The following MBNL3 variants were observed in gnomAD, a reference collection of about 807,000 sequenced individuals.
The protein encoded by MBNL3 is muscleblind like splicing regulator 3, also known as muscleblind-like protein 3.
MBNL3 carries 6 observed loss-of-function variants against 24.5 expected under a neutral mutation model. The ratio of observed to expected loss-of-function variants is 0.25; its 90% CI spans 0.13 to 0.48. The LOEUF (loss-of-function observed/expected upper bound fraction) is 0.48, where lower values mean the gene tolerates loss of function less well. Among genes scored for constraint, MBNL3 ranks in the 20% least tolerant of loss-of-function variants. The pLI, the probability that MBNL3 is intolerant of heterozygous loss-of-function variation, is 0.99. For synonymous variants in MBNL3, 100 were observed against 101.7 expected (o/e 0.98, Z 0.10); for missense variants, 230 against 293.5 (o/e 0.78, Z 1.58).
intron 2 of MBNL3, chrX:132,437,801 T>C (rs1945193981): frequency 4.2e-6 from 1 of 239,265 alleles, no homozygotes; most frequent in Non-Finnish European, 5.9e-6. Flanking sequence ...TAGATGAAAC[T>C]TAAATGAAAC....
Position 132,376,482 on chromosome X carries a change from G to A in MBNL3, c.*3184C>T, listed in dbSNP as rs759664854. ...ATTATTTTCTCTGTATACATGACCC[G>A]TTTTATCCAAGTTTCAGCACTCTTG... On this transcript the variant is annotated 3_prime_UTR_variant, in exon 9 of 9. Transcript: ENST00000370853. The A allele has an allele frequency of 8.1e-5, 9 of 111,151 alleles. No homozygotes were observed. The highest frequency in any genetic ancestry group is 2.9e-4 in the African/African-American group (9 of 30,706). 9.2% of individuals were successfully genotyped at this position (111,151 alleles called of 1,213,427 possible).
At position 132,374,310 on chromosome X, in the gene MBNL3, A is replaced by G. The variant is rs1453564663; in HGVS notation, c.*5356T>C. Reference sequence around the variant, plus strand: ...TGTGTGTGTGTGTGTGTGTGTGTGCACACGTGTGTGTGTGTTTATAGGGGG... The same window carrying G: ...TGTGTGTGTGTGTGTGTGTGTGTGCGCACGTGTGTGTGTGTTTATAGGGGG... On this transcript the variant is annotated 3_prime_UTR_variant, in exon 9 of 9. Transcript: ENST00000370853. 3 of 109,588 alleles carry G rather than the reference A, an allele frequency of 2.7e-5. No individual in the cohort carries two copies. Among genetic ancestry groups the G allele is most frequent in the South Asian group, 3.8e-4 (1 of 2,601 alleles). The allele number at this position is 109,588 out of a possible 1,213,427, so 9.0% of individuals were successfully genotyped here.
chrX:132,463,774 T>C (rs965859713), intron 1 of MBNL3, among the ~76,000 whole-genome samples: 2 of 112,494 alleles, frequency 1.8e-5, no homozygotes, highest in Non-Finnish European at 3.8e-5. Context: ...ATTTAAGATA[T>C]ACAGATTATT....
intron 3 of MBNL3, among the ~76,000 whole-genome samples, chrX:132,394,299 A>G (rs1285502897): frequency 8.9e-6 from 1 of 112,104 alleles, no homozygotes; most frequent in African/African-American, 3.2e-5. Context: ...TGAGATGTGA[A>G]GCTCAGGAAC....
Position 132,379,269 on chromosome X carries a change from G to C in MBNL3, c.*397C>G, listed in dbSNP as rs1934438898. The C allele has an allele frequency of 7.2e-6, 1 of 138,823 alleles. No homozygotes were observed. The allele number at this position is 138,823 out of a possible 1,213,427, so 11.4% of individuals were successfully genotyped here. Reference sequence around the variant, plus strand: ...AATAGACTATCTTGTAAACAAAATAGTAAGGTAACACTTCAAAAACAGATG... The same window carrying C: ...AATAGACTATCTTGTAAACAAAATACTAAGGTAACACTTCAAAAACAGATG... On this transcript the variant is annotated 3_prime_UTR_variant, in exon 9 of 9. Coordinates refer to ENST00000370853, the MANE Select transcript of MBNL3 (RefSeq NM_001386889.1).
chrX:132,372,593 C>T lies in MBNL3; in HGVS notation c.*7073G>A, dbSNP rs762318837. The T allele has an allele frequency of 1.8e-5, 2 of 109,711 alleles. No homozygotes were observed. The highest frequency in any genetic ancestry group is 3.8e-5 in the Non-Finnish European group (2 of 52,544). The allele number at this position is 109,711 out of a possible 1,213,427, so 9.0% of individuals were successfully genotyped here. A position where few individuals can be genotyped will look rare whatever the true frequency, so the allele number is the denominator to read the frequency against. Reference sequence around the variant, plus strand: ...ATATCATTCTCTCAACTGCTAGACACAAAAGACATAGCAACAAAGTAATTT... The same window carrying T: ...ATATCATTCTCTCAACTGCTAGACATAAAAGACATAGCAACAAAGTAATTT... On this transcript the variant is annotated 3_prime_UTR_variant, in exon 9 of 9. Coordinates refer to ENST00000370853, the MANE Select transcript of MBNL3 (RefSeq NM_001386889.1).
chrX:132,483,018 T>G (rs1417692765), intron 1 of MBNL3, among the ~76,000 whole-genome samples: 1 of 112,560 alleles, frequency 8.9e-6, no homozygotes, highest in Non-Finnish European at 1.9e-5. Flanking sequence ...ACTTCATATA[T>G]CTGGGTGAGC....
At chrX:132,467,405 G>A (rs1179610093) in intron 1 of MBNL3, among the ~76,000 whole-genome samples, 2 of 111,974 alleles carry the variant, frequency 1.8e-5, no homozygotes, top group African/African-American at 6.5e-5. Context: ...CTATTTGTTG[G>A]TAAGTTTGTA....
At chrX:132,413,674 C>G (rs906961268) in intron 2 of MBNL3, 1 of 981,250 alleles carries the variant, frequency 1.0e-6, no homozygotes, top group East Asian at 3.5e-5. Context: ...TCACACGGCT[C>G]GCTACCCTGG....
In MBNL3 at chrX:132,384,562, A is replaced by G. The variant is rs1429649188; in HGVS notation, c.958+101T>C. ...TGTTAAACCTTAACATACTCAGAAAATTTCCAGCCACATCTTTCAGTCATT... is the reference window on the plus strand; with the variant it reads ...TGTTAAACCTTAACATACTCAGAAAGTTTCCAGCCACATCTTTCAGTCATT... On this transcript the variant is annotated intron_variant, in intron 7 of 8. Transcript: ENST00000370853. 6.5e-6 allele frequency: 5 copies of G among 766,260 alleles called. No homozygotes were observed. In the African/African-American group the frequency reaches 1.1e-4, roughly 16 times the overall value. The allele number at this position is 766,260 out of a possible 1,213,427, so 63.1% of individuals were successfully genotyped here. A position where few individuals can be genotyped will look rare whatever the true frequency, so the allele number is the denominator to read the frequency against.
chrX:132,449,747 C>G (rs181332431), intron 1 of MBNL3, among the ~76,000 whole-genome samples: 170 of 110,223 alleles, frequency 1.5e-3, no homozygotes, highest in African/African-American at 5.1e-3. Context: ...TTCATAGTGT[C>G]GATGGTCTTT....
At chrX:132,407,230 G>T (rs1941973139) in intron 2 of MBNL3, among the ~76,000 whole-genome samples, 1 of 112,083 alleles carries the variant, frequency 8.9e-6, no homozygotes, top group Admixed American at 9.5e-5. Context: ...TGAGAATCAA[G>T]ATGTGTCCTT....
chrX:132,463,925 A>G, intron 1 of MBNL3, among the ~76,000 whole-genome samples: 1 of 112,269 alleles, frequency 8.9e-6, no homozygotes, highest in Middle Eastern at 4.6e-3. Flanking sequence ...CTGTCCCTAA[A>G]AAATTTGTCT....
chrX:132,424,366 C>T (rs1271869362), intron 2 of MBNL3, among the ~76,000 whole-genome samples: 1 of 111,518 alleles, frequency 9.0e-6, no homozygotes, highest in Non-Finnish European at 1.9e-5. Context: ...TAGGACTTGA[C>T]GCCTGCTTGG....
chrX:132,395,421 T>C (rs1171722601), intron 3 of MBNL3, among the ~76,000 whole-genome samples: 1 of 111,950 alleles, frequency 8.9e-6, no homozygotes, highest in Non-Finnish European at 1.9e-5. Flanking sequence ...CCTGAAATGG[T>C]CTGAACACTT....
At chrX:132,407,816 G>A (rs1212349290) in intron 2 of MBNL3, among the ~76,000 whole-genome samples, 1 of 111,250 alleles carries the variant, frequency 9.0e-6, no homozygotes, top group Non-Finnish European at 1.9e-5. Context: ...TAACTGAGGT[G>A]ATCTGGCTCA....
In MBNL3 at chrX:132,466,787, A is replaced by G. The variant is rs140999633; in HGVS notation, c.-704+22064T>C. Among the ~76,000 whole-genome samples the G allele has an allele frequency of 5.7e-3, 632 of 111,713 alleles. 10 individuals carry two copies. The highest frequency in any genetic ancestry group is 0.02 in the African/African-American group (605 of 30,671). Reference sequence around the variant, plus strand: ...AGGCTGTGAATGTCACAGAGCACCAATGGCCTGGTCGGTGAGGCAGGGGGC... The same window carrying G: ...AGGCTGTGAATGTCACAGAGCACCAGTGGCCTGGTCGGTGAGGCAGGGGGC... On this transcript the variant is annotated intron_variant, in intron 1 of 8. Transcript: ENST00000370853.
At chrX:132,411,279 TTTGAATAGGCGAGAAG>T in intron 2 of MBNL3, 1 of 753,886 alleles carries the variant, frequency 1.3e-6, no homozygotes, top group Non-Finnish European at 1.6e-6. Context: ...AGATAACAAG[TTTGAATAGGCGAGAAG>T]CTGGGGTGAG....
chrX:132,384,742 G>T, intron 6 of MBNL3, 44 bp from the exon 7 acceptor site: 6 of 998,516 alleles, frequency 6.0e-6, no homozygotes, highest in Non-Finnish European at 8.1e-6. Flanking sequence ...AGAGATATTT[G>T]ATTATTAAGG....
Sources: allele counts gnomAD v4.1 joint callset (sites outside exome capture counted in the v4.1 genomes callset), GRCh38; gene constraint gnomAD v4.1.1; transcripts MANE v1.5; gene names NCBI Gene and HGNC (gene_info 2026-07-23, HGNC 2026-07-21).